Variants in OPRM1 observed in about 807,000 individuals in gnomAD.
OPRM1 encodes opioid receptor mu 1, also known as mu-type opioid receptor.
OPRM1 carries 27 observed loss-of-function variants against 31.8 expected under a neutral mutation model. That is an observed-to-expected ratio of 0.85 (90% confidence interval 0.63 to 1.17). The LOEUF (loss-of-function observed/expected upper bound fraction) is 1.17, where lower values mean the gene tolerates loss of function less well. Ranked by LOEUF, OPRM1 falls within the 50% of genes most tolerant of loss-of-function variation. OPRM1 has a pLI of 0.00. For missense variants in OPRM1, 536 were observed against 511.1 expected, an observed-to-expected ratio of 1.05 and a Z score of -0.47; for synonymous variants, 196 against 189.9, an observed-to-expected ratio of 1.03 and a Z score of -0.26.
downstream of OPRM1, among the ~76,000 whole-genome samples, chr6:154,134,147 G>A (rs1244236551): frequency 2.0e-5 from 3 of 152,198 alleles, no homozygotes; most frequent in East Asian, 3.8e-4. Context: ...AAGATCACTA[G>A]GAGGCAACAT....
chr6:154,169,666 C>T (rs556339075), intron 3 of OPRM1, among the ~76,000 whole-genome samples: 2 of 152,304 alleles, frequency 1.3e-5, no homozygotes, highest in Non-Finnish European at 2.9e-5. Context: ...CAGACTCCAT[C>T]TCCCTTCCTA....
At chr6:154,229,167 T>C (rs1415406715) in intron 3 of OPRM1, among the ~76,000 whole-genome samples, 4 of 152,190 alleles carry the variant, frequency 2.6e-5, no homozygotes, top group East Asian at 1.9e-4. Context: ...CTCCAATGGA[T>C]TGTGAGTACC....
intron 3 of OPRM1, among the ~76,000 whole-genome samples, chr6:154,232,774 GC>G (rs1779819922): frequency 6.6e-6 from 1 of 152,028 alleles, no homozygotes; most frequent in African/African-American, 2.4e-5. Context: ...CAGTGAATAA[GC>G]AGCTATAACC....
intron 3 of OPRM1, among the ~76,000 whole-genome samples, chr6:154,149,668 T>C (rs1798448600): frequency 6.6e-6 from 1 of 151,830 alleles, no homozygotes; most frequent in African/African-American, 2.4e-5. Context: ...AAACTTCCCA[T>C]ATATCTTGTC....
intron 3 of OPRM1, among the ~76,000 whole-genome samples, chr6:154,212,290 A>C (rs1044118192): frequency 2.6e-5 from 4 of 152,186 alleles, no homozygotes; most frequent in African/African-American, 9.6e-5. Flanking sequence ...GTGAATACAC[A>C]AATCGCTCCA....
intron 1 of OPRM1, among the ~76,000 whole-genome samples, chr6:154,040,139 CCTTATA>C (rs1562387750): frequency 6.6e-6 from 1 of 152,088 alleles, no homozygotes; most frequent in East Asian, 1.9e-4. Flanking sequence ...TGGAGCGCTT[CCTTATA>C]CTGAGCAAAG....
chr6:154,115,817 T>G (rs1327643293), intron 3 of OPRM1, among the ~76,000 whole-genome samples: 1 of 152,202 alleles, frequency 6.6e-6, no homozygotes, highest in Non-Finnish European at 1.5e-5. Context: ...AACATAGAGT[T>G]TCATCTGTGT....
intron 1 of OPRM1, among the ~76,000 whole-genome samples, chr6:154,084,123 C>T (rs1054822108): frequency 3.9e-5 from 6 of 152,034 alleles, no homozygotes; most frequent in South Asian, 4.1e-4. Flanking sequence ...GTTCCTTTCC[C>T]GTCGCAGGAT....
Position 154,227,081 on chromosome 6 carries a change from C to T in OPRM1, c.1165-19612C>T, listed in dbSNP as rs144325953. Among the ~76,000 whole-genome samples, 1,040 of 152,084 alleles carry T rather than the reference C, an allele frequency of 6.8e-3. 11 individuals carry two copies. The highest frequency in any genetic ancestry group is 0.024 in the Middle Eastern group (7 of 294). On this transcript the variant is annotated intron_variant, in intron 3 of 3. Coordinates refer to the OPRM1 transcript ENST00000337049. The stretch of plus-strand genomic sequence containing the variant: ...GGTGTGGTGGCGGACGCCTGTAATC[C>T]CAGCTACTTGGGAGGCTGAGGCTGA...
At chr6:154,202,522 C>A (rs1433353173) in intron 3 of OPRM1, among the ~76,000 whole-genome samples, 2 of 152,144 alleles carry the variant, frequency 1.3e-5, no homozygotes, top group East Asian at 3.9e-4. Context: ...TAAAATTCAA[C>A]TTCTATGTGA....
At chr6:154,105,825 A>G (rs1795490643) in intron 3 of OPRM1, among the ~76,000 whole-genome samples, 1 of 152,248 alleles carries the variant, frequency 6.6e-6, no homozygotes, top group Non-Finnish European at 1.5e-5. Flanking sequence ...TTTATGCCAA[A>G]TAAGTCAAAT....
chr6:154,101,539 G>T (rs753902394), intron 3 of OPRM1, among the ~76,000 whole-genome samples: 1 of 152,080 alleles, frequency 6.6e-6, no homozygotes, highest in Non-Finnish European at 1.5e-5. Context: ...CTTTCAAATG[G>T]CTATAGTATA....
At chr6:154,220,822 T>C (rs1037546698) in intron 3 of OPRM1, among the ~76,000 whole-genome samples, 2 of 152,218 alleles carry the variant, frequency 1.3e-5, no homozygotes, top group African/African-American at 4.8e-5. Flanking sequence ...CGTTTTGCAA[T>C]ATGTTCAGGA....
At chr6:154,164,835 T>C (rs1799301007) in intron 3 of OPRM1, among the ~76,000 whole-genome samples, 1 of 152,214 alleles carries the variant, frequency 6.6e-6, no homozygotes, top group Non-Finnish European at 1.5e-5. Context: ...AGTCAGTGAA[T>C]GATGAGCTGT....
intron 1 of OPRM1, among the ~76,000 whole-genome samples, chr6:154,042,960 C>T (rs1302731797): frequency 2.6e-5 from 4 of 152,136 alleles, no homozygotes; most frequent in Admixed American, 6.5e-5. Context: ...AAGTAACAGC[C>T]ACCAGAGATG....
At chr6:154,045,175 A>T (rs551080937) in intron 1 of OPRM1, among the ~76,000 whole-genome samples, 1 of 152,248 alleles carries the variant, frequency 6.6e-6, no homozygotes, top group East Asian at 1.9e-4. Flanking sequence ...CAGCGAGCCG[A>T]GATCGCACCA....
intron 3 of OPRM1, among the ~76,000 whole-genome samples, chr6:154,160,425 T>C (rs71567965): frequency 0.055 from 8,372 of 152,280 alleles, 278 homozygotes; most frequent in African/African-American, 0.062. Context: ...CTAAGTAAAA[T>C]TGGAACGTAA....
intron 1 of OPRM1, among the ~76,000 whole-genome samples, chr6:154,066,478 G>A (rs1785423159): frequency 6.6e-6 from 1 of 151,856 alleles, no homozygotes; most frequent in African/African-American, 2.4e-5. Flanking sequence ...TTGTACTTTA[G>A]TCTTGAGAGG....
At chr6:154,089,363 G>A (rs1018589565) in intron 1 of OPRM1, among the ~76,000 whole-genome samples, 21 of 152,020 alleles carry the variant, frequency 1.4e-4, no homozygotes, top group South Asian at 6.2e-4. Context: ...GAGGAGGGAG[G>A]ACTGCTTGAG....
Sources: gnomAD v4.1 joint callset for allele counts (sites outside exome capture counted in the v4.1 genomes callset) on GRCh38, gnomAD v4.1.1 for gene constraint, MANE v1.5 for transcripts, NCBI Gene and HGNC (gene_info 2026-07-23, HGNC 2026-07-21) for gene names.